The following ANK2 variants were observed in gnomAD, a reference collection of about 807,000 sequenced individuals.
ANK2 encodes the protein ankyrin 2, also known as ankyrin-2.
A neutral mutation model predicts 360.5 loss-of-function variants in ANK2; 83 were observed. That is an observed-to-expected ratio of 0.23 (90% CI 0.19 to 0.28). The LOEUF is 0.28. Among genes scored for constraint, ANK2 ranks in the 10% least tolerant of loss-of-function variants. The probability of loss-of-function intolerance (pLI) is 1.00; values close to 1 mark genes in which losing one functional copy is unlikely to be tolerated. For synonymous variants in ANK2, 1,740 were observed against 1,759.5 expected, an observed-to-expected ratio of 0.99 and a Z score of 0.28; for missense variants, 4,201 against 4,795.7, an observed-to-expected ratio of 0.88 and a Z score of 3.66.
intron 1 of ANK2, among the ~76,000 whole-genome samples, chr4:113,112,038 A>C (rs2094353009): frequency 6.6e-6 from 1 of 152,198 alleles, no homozygotes; most frequent in Non-Finnish European, 1.5e-5. Flanking sequence ...AGATACAACC[A>C]TAAAAAGAAG....
intron 1 of ANK2, among the ~76,000 whole-genome samples, chr4:112,835,150 G>A (rs1053174131): frequency 6.6e-6 from 1 of 152,162 alleles, no homozygotes; most frequent in African/African-American, 2.4e-5. Flanking sequence ...GATGTTTTTG[G>A]CATGCAGTGA....
chr4:112,744,378 G>C, the ANK2 span, among the ~76,000 whole-genome samples: 1 of 131,030 alleles, frequency 7.6e-6, no homozygotes, highest in Non-Finnish European at 1.5e-5. Flanking sequence ...ATGGGGTCTT[G>C]CTCTGTTGCC....
chr4:113,331,928 C>T, intron 27 of ANK2, 44 bp from the exon 28 acceptor site: 1 of 1,545,162 alleles, frequency 6.5e-7, no homozygotes, highest in Non-Finnish European at 8.9e-7. Context: ...ATACCTGAAG[C>T]TTACCTATGT....
the ANK2 span, among the ~76,000 whole-genome samples, chr4:112,782,243 A>T: frequency 6.6e-6 from 1 of 152,182 alleles, no homozygotes; most frequent in South Asian, 2.1e-4. Flanking sequence ...GGGGATGGGA[A>T]TAGAAGTGAA....
the ANK2 span, among the ~76,000 whole-genome samples, chr4:112,810,126 T>TAC: frequency 4.4e-5 from 2 of 45,736 alleles, no homozygotes; most frequent in Admixed American, 3.1e-4. Context: ...ATTTTTTGTG[T>TAC]ATATATATAT....
upstream of ANK2, among the ~76,000 whole-genome samples, chr4:113,048,885 G>C (rs1302644587): frequency 5.3e-5 from 8 of 150,224 alleles, no homozygotes; most frequent in East Asian, 1.4e-3. Flanking sequence ...GATTATGCTT[G>C]GTTCTGGGAA....
At chr4:112,978,064 T>G (rs1192794391) in intron 2 of ANK2, among the ~76,000 whole-genome samples, 3 of 152,052 alleles carry the variant, frequency 2.0e-5, no homozygotes, top group Non-Finnish European at 4.4e-5. Context: ...GCCAACATGG[T>G]GAAACCCCAT....
At chr4:113,363,590 T>C (rs1008470845) in intron 40 of ANK2, 121 bp downstream of exon 40, 1 of 1,051,302 alleles carries the variant, frequency 9.5e-7, no homozygotes, top group African/African-American at 1.6e-5. Flanking sequence ...GTACAGTGGG[T>C]CCTTGAGTAA....
At chr4:112,918,944 G>T (rs1313021527) in intron 2 of ANK2, among the ~76,000 whole-genome samples, 2 of 152,148 alleles carry the variant, frequency 1.3e-5, no homozygotes, top group African/African-American at 4.8e-5. Context: ...ATCAGGGGTG[G>T]TAATATGCTC....
chr4:112,860,376 G>A (rs1340917988), intron 1 of ANK2, among the ~76,000 whole-genome samples: 2 of 152,032 alleles, frequency 1.3e-5, no homozygotes, highest in South Asian at 2.1e-4. Context: ...ACAGGTGCGC[G>A]CCACCATGCC....
intron 1 of ANK2, among the ~76,000 whole-genome samples, chr4:112,833,214 G>C (rs1219554716): frequency 6.6e-6 from 1 of 152,224 alleles, no homozygotes; most frequent in Non-Finnish European, 1.5e-5. Flanking sequence ...AACAGAATAA[G>C]CCAAACATGA....
intron 2 of ANK2, among the ~76,000 whole-genome samples, chr4:113,005,629 C>T (rs182307530): frequency 3.5e-4 from 54 of 152,190 alleles, no homozygotes; most frequent in Admixed American, 2.8e-3. Context: ...GTTATGGGTA[C>T]AAACATACAG....
In ANK2 at chr4:113,353,730, A is replaced by T; in HGVS notation, c.5112A>T (p.Val1704=). Residue 1704 remains valine, a synonymous_variant, in exon 38 of 46, where the codon GTA becomes GTT. Transcript: ENST00000357077. ...CAAGCTTGGGAATAAAGAAGCCAGT[A>T]AGAAGGAAATTAAAAGAAAAGCAGA... ...HKPSLGIKKP[V]RRKLKEKQKQ... 1 of 1,613,846 alleles carries T rather than the reference A, an allele frequency of 6.2e-7. No individual in the cohort carries two copies. Among genetic ancestry groups the T allele is most frequent in the Non-Finnish European group, 8.5e-7 (1 of 1,179,952 alleles).
chr4:112,834,334 C>T (rs979698448), intron 1 of ANK2, among the ~76,000 whole-genome samples: 3 of 152,040 alleles, frequency 2.0e-5, no homozygotes, highest in Non-Finnish European at 4.4e-5. Context: ...TGTTCTCTGA[C>T]GTTTGAGATT....
chr4:112,812,796 G>A, the ANK2 span, among the ~76,000 whole-genome samples: 1 of 152,148 alleles, frequency 6.6e-6, no homozygotes. Context: ...CCTTTGACAC[G>A]ACCCTACTTC....
At chr4:113,239,970 G>A (rs1008895906) in intron 7 of ANK2, among the ~76,000 whole-genome samples, 7 of 152,004 alleles carry the variant, frequency 4.6e-5, no homozygotes, top group African/African-American at 1.7e-4. Context: ...TAAATGATGT[G>A]GAACAAATTC....
At chr4:112,911,387 G>A (rs2087305599) in intron 2 of ANK2, among the ~76,000 whole-genome samples, 1 of 151,916 alleles carries the variant, frequency 6.6e-6, no homozygotes, top group African/African-American at 2.4e-5. Context: ...GCCGGGCGTG[G>A]TGGTTGGCAC....
At chr4:113,171,489 C>T (rs1179240962) in intron 1 of ANK2, among the ~76,000 whole-genome samples, 2 of 152,102 alleles carry the variant, frequency 1.3e-5, no homozygotes, top group Non-Finnish European at 2.9e-5. Flanking sequence ...CATTCTTGGA[C>T]CATTTTATGA....
intron 2 of ANK2, among the ~76,000 whole-genome samples, chr4:112,944,088 C>T (rs2094407793): frequency 6.6e-6 from 1 of 152,138 alleles, no homozygotes; most frequent in African/African-American, 2.4e-5. Context: ...CTAAAAAACA[C>T]ATGTATAAAG....
Sources: allele counts gnomAD v4.1 joint callset (sites outside exome capture counted in the v4.1 genomes callset), GRCh38; gene constraint gnomAD v4.1.1; transcripts MANE v1.5; gene names NCBI Gene and HGNC (gene_info 2026-07-23, HGNC 2026-07-21).